The following ERH variants were observed in gnomAD, a reference collection of about 807,000 sequenced individuals.
The protein encoded by ERH is ERH mRNA splicing and mitosis factor.
In ERH, 1 loss-of-function variant was observed where a neutral mutation model predicts 16.8. The ratio of observed to expected loss-of-function variants is 0.06; its 90% CI spans 0.02 to 0.28. ERH has a LOEUF of 0.28. Among genes scored for constraint, ERH ranks in the 10% least tolerant of loss-of-function variants. The probability of loss-of-function intolerance (pLI) is 1.00; values close to 1 mark genes in which losing one functional copy is unlikely to be tolerated. For missense variants in ERH, 42 were observed against 127.5 expected (o/e 0.33, Z 3.23); for synonymous variants, 43 against 43.6 (o/e 0.99, Z 0.05).
rs1315819630 is a variant in ERH, at chr14:69,380,381, T to C, written c.*157A>G. 1.6e-5 allele frequency: 7 copies of C among 448,478 alleles called. No homozygotes were observed. Among genetic ancestry groups the C allele is most frequent in the Admixed American group, 7.1e-5 (2 of 27,992 alleles). 27.8% of individuals were successfully genotyped at this position (448,478 alleles called of 1,614,324 possible). A position where few individuals can be genotyped will look rare whatever the true frequency, so the allele number is the denominator to read the frequency against. On this transcript the variant is annotated 3_prime_UTR_variant, in exon 4 of 4. Coordinates refer to ENST00000557016, the MANE Select transcript of ERH (RefSeq NM_004450.3). ...AAGAGGAGGTAACGGGGGTTTCCGA[T>C]TGAACAAGATCCTCACATTTCATCT...
At chr14:69,391,717 G>T (rs923869320) in intron 2 of ERH, among the ~76,000 whole-genome samples, 2 of 146,110 alleles carry the variant, frequency 1.4e-5, no homozygotes, top group African/African-American at 5.1e-5. Context: ...GTCTGAAAAG[G>T]CTTCATACTC....
intron 1 of ERH, among the ~76,000 whole-genome samples, chr14:69,396,186 T>C (rs1882327176): frequency 6.6e-6 from 1 of 152,246 alleles, no homozygotes; most frequent in Non-Finnish European, 1.5e-5. Context: ...TTTCCTTCTC[T>C]TCTGCTGTAC....
chr14:69,380,772 A>G (rs1384514288), intron 3 of ERH, 132 bp from the exon 4 acceptor site: 2 of 593,108 alleles, frequency 3.4e-6, no homozygotes, highest in Non-Finnish European at 3.1e-6. Flanking sequence ...GAAAAGCTGA[A>G]AGAGCTACTT....
rs1404632865 is a variant in ERH at position 69,383,384 on chromosome 14, A to G, written c.213-2744T>C. On this transcript the variant is annotated intron_variant, in intron 3 of 3. Coordinates refer to ENST00000557016, the MANE Select transcript of ERH (RefSeq NM_004450.3). ...CCATGTAAATTTAATAGAAACTATG[A>G]GCACACAACCATCTACAAACCAAAA... Among the ~76,000 whole-genome samples, 3 of 152,262 alleles carry G rather than the reference A, an allele frequency of 2.0e-5. No homozygotes were observed. In the South Asian group the frequency reaches 6.2e-4, roughly 31 times the overall value.
chr14:69,383,545 T>A (rs766838723), intron 3 of ERH, among the ~76,000 whole-genome samples: 23 of 152,200 alleles, frequency 1.5e-4, no homozygotes, highest in Admixed American at 2.6e-4. Flanking sequence ...CAAAGTCACC[T>A]GGGGAAAATA....
At chr14:69,390,134 A>G (rs1325913006) in intron 2 of ERH, among the ~76,000 whole-genome samples, 1 of 150,420 alleles carries the variant, frequency 6.6e-6, no homozygotes, top group African/African-American at 2.4e-5. Flanking sequence ...CCTGATGCCA[A>G]TACTCCCTCA....
At position 69,386,363 on chromosome 14, in the gene ERH, C is replaced by T. The variant is rs191574816; in HGVS notation, c.212+600G>A. 8.5e-5 allele frequency among the ~76,000 whole-genome samples: 13 copies of T among 152,286 alleles called. No individual in the cohort carries two copies. The East Asian group carries it at 2.5e-3, about 29-fold the overall frequency. The stretch of plus-strand genomic sequence containing the variant: ...TGATTGAGTATTGTATCATAAGGTG[C>T]TTCCATTTTCCTCGGTTAAATGAGC... On this transcript the variant is annotated intron_variant, in intron 3 of 3. Transcript: ENST00000557016.
intron 3 of ERH, 174 bp downstream of exon 3, chr14:69,386,789 G>T: frequency 3.8e-6 from 2 of 520,098 alleles, no homozygotes; most frequent in African/African-American, 1.9e-5. Flanking sequence ...CTGTGCCTTT[G>T]GCTTTATGTT....
chr14:69,392,015 G>C (rs1882224899), intron 2 of ERH, among the ~76,000 whole-genome samples: 1 of 152,048 alleles, frequency 6.6e-6, no homozygotes, highest in African/African-American at 2.4e-5. Context: ...CAGACTAATA[G>C]AAGATGCACT....
chr14:69,385,851 T>C (rs1379967540), intron 3 of ERH, among the ~76,000 whole-genome samples: 2 of 152,170 alleles, frequency 1.3e-5, no homozygotes, highest in Non-Finnish European at 2.9e-5. Flanking sequence ...ATCAATGATA[T>C]GACACACTTC....
At chr14:69,389,013 C>T (rs934055404) in intron 2 of ERH, among the ~76,000 whole-genome samples, 8 of 151,908 alleles carry the variant, frequency 5.3e-5, no homozygotes, top group Non-Finnish European at 1.2e-4. Flanking sequence ...AAGGCATTGA[C>T]CCACAGTTAT....
chr14:69,395,474 CTA>C (rs1882314614), intron 1 of ERH, among the ~76,000 whole-genome samples: 1 of 152,176 alleles, frequency 6.6e-6, no homozygotes, highest in Admixed American at 6.5e-5. Context: ...TTTTCCTTTT[CTA>C]TCTTTTCTTC....
chr14:69,396,069 T>C (rs1443991497), intron 1 of ERH, among the ~76,000 whole-genome samples: 1 of 152,244 alleles, frequency 6.6e-6, no homozygotes, highest in Admixed American at 6.5e-5. Context: ...CACTGGTCTG[T>C]TGAAAATATG....
chr14:69,392,515 A>C (rs1214899363), intron 2 of ERH, among the ~76,000 whole-genome samples: 2 of 152,208 alleles, frequency 1.3e-5, no homozygotes, highest in Admixed American at 1.3e-4. Flanking sequence ...CCAGAGGTTG[A>C]GGGTGGGGTA....
At chr14:69,393,845 C>T (rs1366463514) in intron 2 of ERH, among the ~76,000 whole-genome samples, 1 of 152,036 alleles carries the variant, frequency 6.6e-6, no homozygotes, top group African/African-American at 2.4e-5. Context: ...AACACAGTGA[C>T]CCCATCTCTA....
At chr14:69,390,385 TGA>T (rs2045917582) in intron 2 of ERH, among the ~76,000 whole-genome samples, 1 of 152,188 alleles carries the variant, frequency 6.6e-6, no homozygotes, top group African/African-American at 2.4e-5. Context: ...GGAACAGAAA[TGA>T]GAGTCCAGAA....
At chr14:69,388,158 A>G (rs1180792447) in intron 2 of ERH, among the ~76,000 whole-genome samples, 1 of 152,220 alleles carries the variant, frequency 6.6e-6, no homozygotes, top group African/African-American at 2.4e-5. Context: ...CACACCTGTC[A>G]AACAGAGTTA....
rs562925265 is a variant in ERH at position 69,388,906 on chromosome 14, GC to G, written c.92-1824del. ...AACAACTATCTTAGGGCTTTTTATT[GC>G]TACTGGCATACTACATTGTGATCAC... is the stretch of plus-strand genomic sequence containing the variant. On this transcript the variant is annotated intron_variant, in intron 2 of 3. Transcript: ENST00000557016. Among the ~76,000 whole-genome samples, 10 of 152,186 alleles carry G rather than the reference GC, an allele frequency of 6.6e-5. No individual in the cohort carries two copies. The East Asian group carries it at 1.9e-3, about 29-fold the overall frequency.
intron 2 of ERH, among the ~76,000 whole-genome samples, chr14:69,388,267 G>T (rs1471537735): frequency 6.6e-6 from 1 of 152,040 alleles, no homozygotes; most frequent in Non-Finnish European, 1.5e-5. Context: ...TAATAAAAAA[G>T]ATAATGAGCA....
Sources: allele counts gnomAD v4.1 joint callset (sites outside exome capture counted in the v4.1 genomes callset), GRCh38; gene constraint gnomAD v4.1.1; transcripts MANE v1.5; gene names NCBI Gene and HGNC (gene_info 2026-07-23, HGNC 2026-07-21).